Variants in MAD1L1 observed in about 807,000 individuals in gnomAD.
The protein encoded by MAD1L1 is mitotic spindle assembly checkpoint protein MAD1.
In MAD1L1, 95 loss-of-function variants were observed where a neutral mutation model predicts 96.9. The ratio of observed to expected loss-of-function variants is 0.98; its 90% CI spans 0.83 to 1.16. The LOEUF is 1.16. Ranked by LOEUF, MAD1L1 falls within the 50% of genes most tolerant of loss-of-function variation. The probability of loss-of-function intolerance (pLI) is 0.00; values close to 1 mark genes in which losing one functional copy is unlikely to be tolerated. For synonymous variants in MAD1L1, 473 were observed against 396.6 expected, an observed-to-expected ratio of 1.19 and a Z score of -2.29; for missense variants, 1,007 against 954.4, an observed-to-expected ratio of 1.06 and a Z score of -0.73.
chr7:1,840,040 T>C (rs1783161864), intron 18 of MAD1L1, among the ~76,000 whole-genome samples: 1 of 152,220 alleles, frequency 6.6e-6, no homozygotes, highest in Admixed American at 6.5e-5. Flanking sequence ...ACGGCGGGCA[T>C]TCCACATGGG....
intron 12 of MAD1L1, among the ~76,000 whole-genome samples, chr7:2,041,710 T>C (rs1783681181): frequency 6.6e-6 from 1 of 152,246 alleles, no homozygotes; most frequent in Admixed American, 6.5e-5. Flanking sequence ...AGGAAGAGCT[T>C]TGAAGGCATA....
At chr7:1,828,835 A>C (rs1356512357) in intron 18 of MAD1L1, among the ~76,000 whole-genome samples, 1 of 152,204 alleles carries the variant, frequency 6.6e-6, no homozygotes, top group Non-Finnish European at 1.5e-5. Context: ...ACATTAAGTC[A>C]CTGTAACTTT....
intron 10 of MAD1L1, among the ~76,000 whole-genome samples, chr7:2,171,431 G>A (rs1426339556): frequency 1.3e-5 from 2 of 152,202 alleles, no homozygotes; most frequent in East Asian, 3.8e-4. Flanking sequence ...AGTGCTTGGC[G>A]GATTACAGCA....
intron 16 of MAD1L1, among the ~76,000 whole-genome samples, chr7:1,945,112 A>G (rs986782728): frequency 2.0e-5 from 3 of 152,102 alleles, no homozygotes; most frequent in African/African-American, 7.2e-5. Flanking sequence ...CTCTCTGCAG[A>G]GCAGGGAAGC....
chr7:1,865,528 C>T (rs776633110), intron 18 of MAD1L1, among the ~76,000 whole-genome samples: 3 of 152,194 alleles, frequency 2.0e-5, no homozygotes, highest in Non-Finnish European at 4.4e-5. Flanking sequence ...AAGCGCAGGG[C>T]GACGGAGCAG....
intron 18 of MAD1L1, among the ~76,000 whole-genome samples, chr7:1,859,667 C>G (rs1441172379): frequency 6.6e-6 from 1 of 152,198 alleles, no homozygotes; most frequent in Non-Finnish European, 1.5e-5. Flanking sequence ...GGCACAGCCC[C>G]AGCCCCTCAG....
At chr7:2,056,597 G>A (rs535555097) in intron 12 of MAD1L1, among the ~76,000 whole-genome samples, 25 of 152,176 alleles carry the variant, frequency 1.6e-4, no homozygotes, top group Non-Finnish European at 3.2e-4. Flanking sequence ...AGATACCCAC[G>A]TGAGCGAGGG....
At chr7:1,951,621 C>T (rs892939024) in intron 16 of MAD1L1, among the ~76,000 whole-genome samples, 5 of 152,196 alleles carry the variant, frequency 3.3e-5, no homozygotes, top group Admixed American at 6.5e-5. Context: ...CCCCTGGCAC[C>T]GGCCTCTCCA....
intron 12 of MAD1L1, among the ~76,000 whole-genome samples, chr7:2,017,184 T>C (rs1782581941): frequency 6.6e-6 from 1 of 152,210 alleles, no homozygotes; most frequent in Non-Finnish European, 1.5e-5. Flanking sequence ...GCTATGACTT[T>C]TTAACAGCTG....
intron 17 of MAD1L1, among the ~76,000 whole-genome samples, chr7:1,913,156 T>C (rs928282667): frequency 5.9e-5 from 9 of 152,192 alleles, no homozygotes; most frequent in African/African-American, 2.2e-4. Flanking sequence ...CCTGCTAATG[T>C]AGGCAGCGAG....
At position 2,155,170 on chromosome 7, in the gene MAD1L1, C is replaced by T. The variant is rs936440470; in HGVS notation, c.987-5932G>A. Among the ~76,000 whole-genome samples the T allele has an allele frequency of 3.9e-5, 6 of 152,102 alleles. No homozygotes were observed. In the East Asian group the frequency reaches 7.7e-4, roughly 20 times the overall value. On this transcript the variant is annotated intron_variant, in intron 10 of 18. Transcript: ENST00000265854. ...CTCCAAAAGGACGAGGCTAAGAGAG[C>T]GAGCAAAGGGGGGTCCTCAGGCCTG...
chr7:2,042,279 G>A (rs12669370), intron 12 of MAD1L1, among the ~76,000 whole-genome samples: 43,227 of 138,648 alleles, frequency 0.31, 6,263 homozygotes, highest in African/African-American at 0.41. Context: ...GCACACACAC[G>A]CGCACATGGA....
chr7:2,073,385 C>A (rs965536168), intron 11 of MAD1L1, among the ~76,000 whole-genome samples: 1 of 152,186 alleles, frequency 6.6e-6, no homozygotes, highest in Non-Finnish European at 1.5e-5. Flanking sequence ...CAGTTCCCGA[C>A]CCCTCGGACC....
At chr7:2,106,781 C>A (rs1005713195) in intron 11 of MAD1L1, among the ~76,000 whole-genome samples, 1 of 152,240 alleles carries the variant, frequency 6.6e-6, no homozygotes, top group Non-Finnish European at 1.5e-5. Context: ...CTGCCCCTCC[C>A]CAGCTGTCAT....
At chr7:1,982,933 C>T (rs2128485052) in intron 14 of MAD1L1, among the ~76,000 whole-genome samples, 1 of 152,174 alleles carries the variant, frequency 6.6e-6, no homozygotes, top group South Asian at 2.1e-4. Context: ...TTTTGTCAAA[C>T]GCCCCCATGA....
At chr7:2,080,002 AT>A (rs1350867205) in intron 11 of MAD1L1, 1 of 309,148 alleles carries the variant, frequency 3.2e-6, no homozygotes, top group Non-Finnish European at 6.3e-6. Flanking sequence ...GAAGGAGACC[AT>A]CCGTGCGTCC....
At chr7:1,872,551 C>G (rs1054983199) in intron 18 of MAD1L1, 1 of 152,306 alleles carries the variant, frequency 6.6e-6, no homozygotes, top group Non-Finnish European at 1.5e-5. Context: ...GAACGAGAGG[C>G]CTTTCTTTCC....
intron 12 of MAD1L1, among the ~76,000 whole-genome samples, chr7:2,031,364 G>A (rs998381346): frequency 1.3e-5 from 2 of 152,196 alleles, no homozygotes; most frequent in South Asian, 4.1e-4. Context: ...GGGGAAAAGG[G>A]GCTGTTCTGG....
At chr7:1,897,982 C>A in intron 18 of MAD1L1, 1 of 595,592 alleles carries the variant, frequency 1.7e-6, no homozygotes, top group Admixed American at 2.9e-5. Context: ...CTTCTGCACC[C>A]AGGAGGTCCA....
Sources: allele counts gnomAD v4.1 joint callset (sites outside exome capture counted in the v4.1 genomes callset), GRCh38; gene constraint gnomAD v4.1.1; transcripts MANE v1.5; gene names NCBI Gene and HGNC (gene_info 2026-07-23, HGNC 2026-07-21).